The following NTRK2 variants were observed in gnomAD, a reference collection of about 807,000 sequenced individuals.
The protein encoded by NTRK2 is neurotrophic receptor tyrosine kinase 2.
In NTRK2, 13 loss-of-function variants were observed where a neutral mutation model predicts 94.5. The observed-to-expected ratio is 0.14, with a 90% CI of 0.09 to 0.22. The LOEUF (loss-of-function observed/expected upper bound fraction) is 0.22. Ranked by LOEUF, NTRK2 falls within the 10% of genes least tolerant of loss-of-function variation. NTRK2 has a pLI of 1.00. For missense variants in NTRK2, 639 were observed against 1,071.2 expected, an observed-to-expected ratio of 0.60 and a Z score of 5.63; for synonymous variants, 372 against 407.4, an observed-to-expected ratio of 0.91 and a Z score of 1.05.
intron 15 of NTRK2, among the ~76,000 whole-genome samples, chr9:84,936,977 G>C (rs925084043): frequency 6.6e-6 from 1 of 152,130 alleles, no homozygotes; most frequent in African/African-American, 2.4e-5. Context: ...TAAGGGACTA[G>C]CTGGACCTTC....
chr9:84,804,979 T>C (rs2070939529), intron 12 of NTRK2, among the ~76,000 whole-genome samples: 1 of 152,210 alleles, frequency 6.6e-6, no homozygotes, highest in Non-Finnish European at 1.5e-5. Context: ...TCTTTTTCTC[T>C]ACTCCACTTA....
intron 5 of NTRK2, 83 bp from the exon 6 acceptor site, chr9:84,710,554 A>G (rs2061364431): frequency 2.1e-6 from 3 of 1,422,922 alleles, no homozygotes; most frequent in South Asian, 2.3e-5. Flanking sequence ...GAAAGAATTC[A>G]TAATGTTGTA....
At chr9:84,959,419 G>A (rs1824601845) in intron 17 of NTRK2, among the ~76,000 whole-genome samples, 1 of 152,204 alleles carries the variant, frequency 6.6e-6, no homozygotes, top group Non-Finnish European at 1.5e-5. Flanking sequence ...CCCACTAGAA[G>A]TCCAAGCCTT....
chr9:84,877,353 G>A (rs1375863026), intron 14 of NTRK2: 2 of 1,066,042 alleles, frequency 1.9e-6, no homozygotes, highest in Non-Finnish European at 2.3e-6. Context: ...GTGAAGGGTT[G>A]CTGGGTTGGG....
chr9:84,741,857 A>G, intron 9 of NTRK2, 35 bp from the exon 10 acceptor site: 1 of 1,601,452 alleles, frequency 6.2e-7, no homozygotes, highest in Non-Finnish European at 8.5e-7. Flanking sequence ...TCCAAAATGC[A>G]TACTTACAAA....
In NTRK2 at chr9:84,942,585, C is replaced by T. The variant is rs1241195865; in HGVS notation, c.1765-5877C>T. 3.9e-5 allele frequency among the ~76,000 whole-genome samples: 6 copies of T among 152,208 alleles called. No individual in the cohort carries two copies. The South Asian group carries it at 1.0e-3, about 26-fold the overall frequency. ...TAATGTGAGCCACTATTGAGAGTCACATTTGTAATTTTGAACTTCTTAGTA... is the reference window on the plus strand; with the variant it reads ...TAATGTGAGCCACTATTGAGAGTCATATTTGTAATTTTGAACTTCTTAGTA... On this transcript the variant is annotated intron_variant, in intron 15 of 18. Coordinates refer to ENST00000277120, the MANE Select transcript of NTRK2 (RefSeq NM_006180.6).
intron 15 of NTRK2, among the ~76,000 whole-genome samples, chr9:84,937,361 C>T (rs913836212): frequency 3.9e-5 from 6 of 152,162 alleles, no homozygotes; most frequent in African/African-American, 1.4e-4. Context: ...TGTCCTTTTT[C>T]CTTCTCTAGA....
intron 12 of NTRK2, among the ~76,000 whole-genome samples, chr9:84,860,260 G>A (rs2075269133): frequency 1.3e-5 from 2 of 152,192 alleles, no homozygotes; most frequent in Admixed American, 1.3e-4. Context: ...AAATTACCTA[G>A]GAGGAAAGAG....
chr9:85,026,662 T>C lies in NTRK2; in HGVS notation c.*5225T>C, dbSNP rs1225423917. 3 of 232,940 alleles carry C rather than the reference T, an allele frequency of 1.3e-5. No individual in the cohort carries two copies. Among genetic ancestry groups the C allele is most frequent in the Non-Finnish European group, 1.7e-5 (2 of 117,938 alleles). The allele number at this position is 232,940 out of a possible 1,614,324, so 14.4% of individuals were successfully genotyped here. A position where few individuals can be genotyped will look rare whatever the true frequency, so the allele number is the denominator to read the frequency against. On this transcript the variant is annotated 3_prime_UTR_variant, in exon 19 of 19. Coordinates refer to ENST00000277120, the MANE Select transcript of NTRK2 (RefSeq NM_006180.6). ...AATCTGCCTGGAGATGTGGACATTC[T>C]GCATTTGCTTCTGTATCTGGAGAGA...
chr9:84,671,255 G>T (rs1308765488), intron 2 of NTRK2, among the ~76,000 whole-genome samples: 1 of 152,186 alleles, frequency 6.6e-6, no homozygotes, highest in Non-Finnish European at 1.5e-5. Context: ...AAGCTCTGCT[G>T]GGTGTGCTTT....
chr9:84,756,116 C>T (rs540428957), intron 12 of NTRK2, among the ~76,000 whole-genome samples: 142 of 152,190 alleles, frequency 9.3e-4, no homozygotes, highest in Non-Finnish European at 1.8e-3. Context: ...AAATCTATGT[C>T]GGTATCAATA....
chr9:84,780,639 C>T (rs558208065), intron 12 of NTRK2, among the ~76,000 whole-genome samples: 1 of 152,260 alleles, frequency 6.6e-6, no homozygotes, highest in African/African-American at 2.4e-5. Context: ...TCTGTGATTC[C>T]CTCTGTGTAC....
intron 14 of NTRK2, among the ~76,000 whole-genome samples, chr9:84,919,571 A>G (rs2077498574): frequency 6.6e-6 from 1 of 152,182 alleles, no homozygotes; most frequent in Non-Finnish European, 1.5e-5. Context: ...AGATATTTTC[A>G]CAGCCCATTT....
At chr9:84,894,628 G>T (rs114162509) in intron 14 of NTRK2, among the ~76,000 whole-genome samples, 1,663 of 152,304 alleles carry the variant, frequency 0.011, 36 homozygotes, top group African/African-American at 0.038. Flanking sequence ...TTGTAGTCTT[G>T]TAAAATTATT....
intron 12 of NTRK2, among the ~76,000 whole-genome samples, chr9:84,856,651 G>A (rs572128189): frequency 6.6e-6 from 1 of 152,252 alleles, no homozygotes; most frequent in South Asian, 2.1e-4. Context: ...TTTAGGGAGT[G>A]GGTGTGGGCC....
At chr9:84,869,292 C>T (rs1470187087) in intron 14 of NTRK2, among the ~76,000 whole-genome samples, 1 of 152,092 alleles carries the variant, frequency 6.6e-6, no homozygotes, top group East Asian at 1.9e-4. Flanking sequence ...AAATGGCCAA[C>T]CTCCATTTGG....
chr9:84,875,316 CG>C, intron 14 of NTRK2: 2 of 1,059,418 alleles, frequency 1.9e-6, no homozygotes, highest in Non-Finnish European at 2.3e-6. Context: ...GGGTTAAGAG[CG>C]GGGGTCTGGC....
chr9:84,791,719 G>A (rs1381209047), intron 12 of NTRK2, among the ~76,000 whole-genome samples: 1 of 152,110 alleles, frequency 6.6e-6, no homozygotes, highest in Non-Finnish European at 1.5e-5. Flanking sequence ...TTTCTGATTG[G>A]ATTTTATGGT....
At chr9:84,708,655 T>C (rs1453426532) in intron 5 of NTRK2, among the ~76,000 whole-genome samples, 1 of 152,216 alleles carries the variant, frequency 6.6e-6, no homozygotes, top group Non-Finnish European at 1.5e-5. Flanking sequence ...GAAGAGGCCT[T>C]TGAAGATTAG....
Sources: allele counts gnomAD v4.1 joint callset (sites outside exome capture counted in the v4.1 genomes callset), GRCh38; gene constraint gnomAD v4.1.1; transcripts MANE v1.5; gene names NCBI Gene and HGNC (gene_info 2026-07-23, HGNC 2026-07-21).